The following SLC7A1 variants were observed in gnomAD, a reference collection of about 807,000 sequenced individuals.
The protein encoded by SLC7A1 is high affinity cationic amino acid transporter 1.
In SLC7A1, 10 loss-of-function variants were observed where a neutral mutation model predicts 53.9. The ratio of observed to expected loss-of-function variants is 0.19; its 90% CI spans 0.11 to 0.31. The LOEUF (loss-of-function observed/expected upper bound fraction) is 0.31. SLC7A1 is among the 10% of genes least tolerant of loss of function. The probability of loss-of-function intolerance (pLI) is 1.00; values close to 1 mark genes in which losing one functional copy is unlikely to be tolerated. For missense variants in SLC7A1, 525 were observed against 827.2 expected (o/e 0.63, Z 4.48); for synonymous variants, 342 against 338.7 (o/e 1.01, Z -0.11).
chr13:29,556,981 G>C (rs1870467497), intron 1 of SLC7A1, among the ~76,000 whole-genome samples: 1 of 152,254 alleles, frequency 6.6e-6, no homozygotes, highest in African/African-American at 2.4e-5. Flanking sequence ...AAAGTCTAAA[G>C]AAAGGCATGC....
intron 1 of SLC7A1, among the ~76,000 whole-genome samples, chr13:29,577,508 A>C (rs897185213): frequency 1.3e-5 from 2 of 152,220 alleles, no homozygotes; most frequent in African/African-American, 4.8e-5. Context: ...GGAAGTCCCA[A>C]GTAAAGGGGG....
At chr13:29,532,768 T>C (rs1869223753) in intron 4 of SLC7A1, 56 bp downstream of exon 4, 2 of 1,474,786 alleles carry the variant, frequency 1.4e-6, no homozygotes, top group Admixed American at 2.0e-5. Flanking sequence ...CAGGAGCCTC[T>C]CACCAAACCT....
At chr13:29,543,995 T>C (rs1052811097) in intron 2 of SLC7A1, among the ~76,000 whole-genome samples, 1 of 152,120 alleles carries the variant, frequency 6.6e-6, no homozygotes, top group Non-Finnish European at 1.5e-5. Context: ...GAGGCCCCAG[T>C]GCAGGCATGG....
Position 29,514,272 on chromosome 13 carries a change from A to T in SLC7A1, c.*208T>A. On this transcript the variant is annotated 3_prime_UTR_variant, in exon 13 of 13. Coordinates refer to ENST00000380752, the MANE Select transcript of SLC7A1 (RefSeq NM_003045.5). ...CGCAGCCTAGTGGCCCCGGCCAGGC[A>T]GCTGTCTGGAGGTGACCAGGGCCCG... The T allele has an allele frequency of 1.8e-6, 1 of 567,718 alleles. No individual in the cohort carries two copies. Among genetic ancestry groups the T allele is most frequent in the Non-Finnish European group, 3.2e-6 (1 of 316,368 alleles). 35.2% of individuals were successfully genotyped at this position (567,718 alleles called of 1,614,324 possible).
intron 1 of SLC7A1, among the ~76,000 whole-genome samples, chr13:29,575,574 G>T (rs1418635537): frequency 6.6e-6 from 1 of 152,124 alleles, no homozygotes; most frequent in African/African-American, 2.4e-5. Flanking sequence ...AGTATTACTT[G>T]CCATAAAACA....
intron 1 of SLC7A1, among the ~76,000 whole-genome samples, chr13:29,587,272 A>G (rs541624979): frequency 6.6e-6 from 1 of 152,216 alleles, no homozygotes; most frequent in Non-Finnish European, 1.5e-5. Flanking sequence ...GTTCTGGGCC[A>G]GGAAAGGGGA....
chr13:29,575,638 T>G (rs1009680778), intron 1 of SLC7A1, among the ~76,000 whole-genome samples: 1 of 152,222 alleles, frequency 6.6e-6, no homozygotes, highest in African/African-American at 2.4e-5. Flanking sequence ...TTTAGGTATT[T>G]TATGACACAG....
intron 1 of SLC7A1, among the ~76,000 whole-genome samples, chr13:29,556,868 T>C (rs1171019067): frequency 2.0e-5 from 3 of 152,230 alleles, no homozygotes; most frequent in African/African-American, 7.2e-5. Flanking sequence ...GGAAGAACGC[T>C]GCTCTCCTGC....
intron 10 of SLC7A1, 31 bp from the exon 11 acceptor site, chr13:29,517,341 A>G (rs1190233918): frequency 6.3e-7 from 1 of 1,584,574 alleles, no homozygotes; most frequent in Non-Finnish European, 8.6e-7. Context: ...AGCAAGCTGC[A>G]ACTCAACCAT....
At chr13:29,522,585 C>T (rs1355818749) in intron 7 of SLC7A1, 129 bp from the exon 8 acceptor site, 48 of 921,402 alleles carry the variant, frequency 5.2e-5, no homozygotes, top group South Asian at 1.3e-4. Flanking sequence ...CGTCCCTCCA[C>T]GCTGGGTGAG....
intron 5 of SLC7A1, among the ~76,000 whole-genome samples, chr13:29,527,766 G>A (rs1868963993): frequency 6.6e-6 from 1 of 152,232 alleles, no homozygotes; most frequent in Admixed American, 6.5e-5. Context: ...TGCATCAGTG[G>A]TGAACTTCCT....
rs1883386165 is a variant in SLC7A1 at position 29,511,461 on chromosome 13, A to G, written c.*3019T>C. 6.6e-6 allele frequency: 1 copy of G among 152,268 alleles called. No homozygotes were observed. The highest frequency in any genetic ancestry group is 2.1e-4 in the South Asian group (1 of 4,836). 9.4% of individuals were successfully genotyped at this position (152,268 alleles called of 1,614,324 possible). Reference sequence around the variant, plus strand: ...CACTGTCCTCTTGATTTGGAAAAATAAATCCGATGCATAAAGCCTTGGACA... The same window carrying G: ...CACTGTCCTCTTGATTTGGAAAAATGAATCCGATGCATAAAGCCTTGGACA... On this transcript the variant is annotated 3_prime_UTR_variant, in exon 13 of 13. Transcript: ENST00000380752.
chr13:29,528,267 C>T (rs571888291), intron 5 of SLC7A1, among the ~76,000 whole-genome samples: 5 of 152,356 alleles, frequency 3.3e-5, no homozygotes, highest in Admixed American at 2.6e-4. Context: ...AAAACCTTCT[C>T]AACAGGCTTC....
Position 29,523,440 on chromosome 13 carries a change from G to A in SLC7A1, c.875C>T (p.Ala292Val), listed in dbSNP as rs140858980. Residue 292 changes from alanine to valine, a missense_variant, in exon 7 of 13, where the codon GCG (alanine) becomes GTG (valine). Around this residue, in one of 4 missense-constraint regions of SLC7A1, gnomAD observed 354 missense variants for 587.5 expected, o/e 0.60. Coordinates refer to ENST00000380752, the MANE Select transcript of SLC7A1 (RefSeq NM_003045.5). Reference sequence around the variant, plus strand: ...GGCGATGAAGCAGATCAAGAGGGACGCCACGATCCCCACGGGGATGGCCTT... The same window carrying A: ...GGCGATGAAGCAGATCAAGAGGGACACCACGATCCCCACGGGGATGGCCTT... ...PQKAIPVGIVASLLICFIAYF... is the reference protein window; with the variant it reads ...PQKAIPVGIVVSLLICFIAYF... 1.4e-5 allele frequency: 23 copies of A among 1,614,004 alleles called. No homozygotes were observed. Among genetic ancestry groups the A allele is most frequent in the Middle Eastern group, 1.6e-4 (1 of 6,062 alleles).
At chr13:29,586,463 C>T (rs771776905) in intron 1 of SLC7A1, among the ~76,000 whole-genome samples, 15 of 152,194 alleles carry the variant, frequency 9.9e-5, no homozygotes, top group Non-Finnish European at 1.5e-4. Flanking sequence ...TAAGCTAACA[C>T]GGAACATGGG....
chr13:29,563,389 T>C (rs1566270736), intron 1 of SLC7A1, among the ~76,000 whole-genome samples: 1 of 152,248 alleles, frequency 6.6e-6, no homozygotes, highest in Non-Finnish European at 1.5e-5. Flanking sequence ...TTTCACTATT[T>C]AAATTGTAAT....
rs558251088 is a variant in SLC7A1 at position 29,547,241 on chromosome 13, C to G, written c.-15+6520G>C. Among the ~76,000 whole-genome samples, 25 of 152,244 alleles carry G rather than the reference C, an allele frequency of 1.6e-4. No homozygotes were observed. In the East Asian group the frequency reaches 4.4e-3, roughly 27 times the overall value. On this transcript the variant is annotated intron_variant, in intron 2 of 12. Transcript: ENST00000380752. ...AAATGAAGCCCATTATTATTCATGC[C>G]GTGGAGTGAATCAACGTAATCCATC...
rs1124594 is a variant in SLC7A1 at position 29,510,946 on chromosome 13, C to G, written c.*3534G>C. ...CTATGGGGCATGTCCACGTGCCCCC[C>G]ACCAGACTCATTGCCCTGTCTCCAG... On this transcript the variant is annotated 3_prime_UTR_variant, in exon 13 of 13. Coordinates refer to ENST00000380752, the MANE Select transcript of SLC7A1 (RefSeq NM_003045.5). The G allele has an allele frequency of 0.8, 121,848 of 152,346 alleles. 51,695 individuals are homozygous for G. The highest frequency in any genetic ancestry group is 0.95 in the East Asian group (4,912 of 5,172). The allele number at this position is 152,346 out of a possible 1,614,324, so 9.4% of individuals were successfully genotyped here.
chr13:29,526,031 A>G (rs769270624), intron 5 of SLC7A1, among the ~76,000 whole-genome samples: 2 of 152,204 alleles, frequency 1.3e-5, no homozygotes, highest in Non-Finnish European at 2.9e-5. Context: ...AAATGGCTCA[A>G]GAGGGGGAGG....
Sources: gnomAD v4.1 joint callset for allele counts (sites outside exome capture counted in the v4.1 genomes callset) on GRCh38, gnomAD v4.1.1 for gene constraint, gnomAD v4.1.1 regional missense constraint, MANE v1.5 for transcripts, NCBI Gene and HGNC (gene_info 2026-07-23, HGNC 2026-07-21) for gene names.